The following SLX4 variants were observed in gnomAD, a reference collection of about 807,000 sequenced individuals.
The protein encoded by SLX4 is structure-specific endonuclease subunit SLX4.
In SLX4, 112 loss-of-function variants were observed where a neutral mutation model predicts 146.2. The observed-to-expected ratio is 0.77, with a 90% CI of 0.66 to 0.90. The LOEUF (loss-of-function observed/expected upper bound fraction) is 0.90. Among genes scored for constraint, SLX4 ranks in the 40% least tolerant of loss-of-function variants. SLX4 has a pLI of 0.00. For missense variants in SLX4, 2,563 were observed against 2,392.7 expected (o/e 1.07, Z -1.49); for synonymous variants, 1,061 against 997.7 (o/e 1.06, Z -1.20).
Position 3,589,010 on chromosome 16 carries a change from T to A in SLX4, c.4628A>T (p.Glu1543Val). The change falls in exon 12 of 15, where the codon GAG (glutamate) becomes GTG (valine). Residue 1543 changes from glutamate (E) to valine (V), a missense_variant. Physicochemically the swap from Glu to Val is moderately radical, Grantham distance 121. Coordinates refer to ENST00000294008, the MANE Select transcript of SLX4 (RefSeq NM_032444.4). The surrounding 1 kb of genome is among the most constrained non-coding windows in gnomAD (Gnocchi z 6.2). ...AGGAQKPEGLETPKGANRKKN... is the reference protein window; with the variant it reads ...AGGAQKPEGLVTPKGANRKKN... Reference sequence around the variant, plus strand: ...CTCTCCTGGCTACTCACTGGGTGTCTCTAACCCTTCGGGCTTCTGAGCTCC... The same window carrying A: ...CTCTCCTGGCTACTCACTGGGTGTCACTAACCCTTCGGGCTTCTGAGCTCC... The A allele has an allele frequency of 6.2e-7, 1 of 1,614,032 alleles. No individual in the cohort carries two copies.
chr16:3,601,238 T>C (rs762017755), intron 4 of SLX4, 47 bp from the exon 5 acceptor site: 3 of 1,599,458 alleles, frequency 1.9e-6, no homozygotes, highest in East Asian at 2.2e-5. Context: ...CCCAGGAATG[T>C]GGATTGGAGC....
intron 13 of SLX4, among the ~76,000 whole-genome samples, chr16:3,584,412 C>G (rs993287675): frequency 6.6e-6 from 1 of 152,050 alleles, no homozygotes; most frequent in Non-Finnish European, 1.5e-5. Flanking sequence ...CAGAGCAAGA[C>G]TCTGTCTTTC....
At position 3,597,680 on chromosome 16, in the gene SLX4, T is replaced by C. The variant is rs781465990; in HGVS notation, c.1382A>G (p.Lys461Arg). 1 of 1,613,900 alleles carries C rather than the reference T, an allele frequency of 6.2e-7. No homozygotes were observed. Among genetic ancestry groups the C allele is most frequent in the South Asian group, 1.1e-5 (1 of 91,070 alleles). The change falls in exon 7 of 15, where the codon AAG (lysine) becomes AGG (arginine). Residue 461 changes from lysine (K) to arginine (R), a missense_variant. Physicochemically the swap from Lys to Arg is conservative, Grantham distance 26 (BLOSUM62 2). Transcript: ENST00000294008. The surrounding 1 kb of genome is among the most constrained non-coding windows in gnomAD (Gnocchi z 4.4). ...IRPEAENKSR[K>R]KKPPVSPPLL... Reference sequence around the variant, plus strand: ...TGGGGGGGATACCGGGGGTTTCTTCTTGCGACTTTTATTCTCTAGAGAGAA... The same window carrying C: ...TGGGGGGGATACCGGGGGTTTCTTCCTGCGACTTTTATTCTCTAGAGAGAA...
chr16:3,600,953 G>C, intron 5 of SLX4, 26 bp downstream of exon 5: 1 of 1,611,104 alleles, frequency 6.2e-7, no homozygotes, highest in Non-Finnish European at 8.5e-7. Flanking sequence ...TATTTGGCTT[G>C]GTTTTCTTCC....
chr16:3,599,680 A>G (rs537101365), intron 5 of SLX4, among the ~76,000 whole-genome samples: 1 of 152,162 alleles, frequency 6.6e-6, no homozygotes, highest in African/African-American at 2.4e-5. Flanking sequence ...TTGGCCTCCC[A>G]GGCTCAAGTG....
Position 3,609,543 on chromosome 16 carries a change from T to TA in SLX4, c.-580dup. 6.5e-6 allele frequency: 1 copy of TA among 154,418 alleles called. No individual in the cohort carries two copies. The highest frequency in any genetic ancestry group is 2.0e-4 in the South Asian group (1 of 5,068). The allele number at this position is 154,418 out of a possible 1,614,324, so 9.6% of individuals were successfully genotyped here. ...CCAAGATCTCCATGATGATGAAACA[T>TA]ATATGGTTCACTTAATTACACATCT... On this transcript the variant is annotated 5_prime_UTR_variant, in exon 2 of 15. Transcript: ENST00000294008.
chr16:3,594,352 G>C (rs912239307), intron 10 of SLX4, 101 bp downstream of exon 10: 2 of 1,491,524 alleles, frequency 1.3e-6, no homozygotes, highest in Non-Finnish European at 1.8e-6. Context: ...GAGTGGGGGG[G>C]TGGAAAGGGC....
Position 3,608,564 on chromosome 16 carries a change from G to A in SLX4, c.401C>T (p.Ala134Val), listed in dbSNP as rs759574554. 5.1e-5 allele frequency: 83 copies of A among 1,614,070 alleles called. No individual in the cohort carries two copies. The highest frequency in any genetic ancestry group is 6.6e-5 in the Non-Finnish European group (78 of 1,180,040). ...ACCCCCCTCCCCATTCACAGAGTGG[G>A]CCGGTTCACTTGCTTGCCATTTGGT... is the stretch of plus-strand genomic sequence containing the variant. ...RVTKWQASEP[A>V]HSVNGEGGVL... Residue 134 changes from alanine to valine, a missense_variant, in exon 2 of 15, where the codon GCC becomes GTC. By Grantham distance (64) the Ala-to-Val change is moderately conservative. Coordinates refer to ENST00000294008, the MANE Select transcript of SLX4 (RefSeq NM_032444.4).
intron 10 of SLX4, 22 bp downstream of exon 10, chr16:3,594,431 A>ACACGGCAGCC (rs778701216): frequency 6.2e-7 from 1 of 1,606,082 alleles, no homozygotes; most frequent in South Asian, 1.1e-5. Flanking sequence ...AAAGGAGGGC[A>ACACGGCAGCC]CACGGCAGCC....
In SLX4 at chr16:3,591,076, A is replaced by C; in HGVS notation, c.2562T>G (p.Ile854Met). The change falls in exon 12 of 15, where the codon ATT (isoleucine) becomes ATG (methionine). Residue 854 changes from isoleucine to methionine, a missense_variant. Transcript: ENST00000294008. ...TTCGCTGAGTAGCTGCAAATTCATAAATTTCTTCCATTTCTGCTTCATTCA... is the reference window on the plus strand; with the variant it reads ...TTCGCTGAGTAGCTGCAAATTCATACATTTCTTCCATTTCTGCTTCATTCA... ...ENVNEAEMEE[I>M]YEFAATQRKL... 2 of 1,613,816 alleles carry C rather than the reference A, an allele frequency of 1.2e-6. No homozygotes were observed. Among genetic ancestry groups the C allele is most frequent in the Non-Finnish European group, 1.7e-6 (2 of 1,179,974 alleles).
chr16:3,584,808 G>A lies in SLX4; in HGVS notation c.4700C>T (p.Ser1567Phe), dbSNP rs755754734. 6.2e-6 allele frequency: 10 copies of A among 1,614,092 alleles called. No homozygotes were observed. In the Middle Eastern group the frequency reaches 4.9e-4, roughly 80 times the overall value. ...CTTCAGCACCGGCGTCTCCATAATG[G>A]AATACTGTGGCATCGGCGTTATGGG... ...KVPITPMPQY[S>F]IMETPVLKKE... Residue 1567 changes from serine to phenylalanine, a missense_variant, in exon 13 of 15, where the codon TCC becomes TTC. Coordinates refer to ENST00000294008, the MANE Select transcript of SLX4 (RefSeq NM_032444.4).
chr16:3,606,389 A>G (rs2040782420), intron 3 of SLX4, 85 bp downstream of exon 3: 7 of 1,467,698 alleles, frequency 4.8e-6, no homozygotes, highest in Non-Finnish European at 5.7e-6. Context: ...AAGAAACTCA[A>G]CAAATGCTGA....
intron 2 of SLX4, among the ~76,000 whole-genome samples, chr16:3,607,853 T>C (rs1046092499): frequency 1.3e-5 from 2 of 152,206 alleles, no homozygotes; most frequent in Admixed American, 1.3e-4. Context: ...CAGTCCAACT[T>C]ACCCACTTTG....
At position 3,590,792 on chromosome 16, in the gene SLX4, G is replaced by A. The variant is rs1382157359; in HGVS notation, c.2846C>T (p.Pro949Leu). 1 of 1,613,900 alleles carries A rather than the reference G, an allele frequency of 6.2e-7. No homozygotes were observed. Among genetic ancestry groups the A allele is most frequent in the Non-Finnish European group, 8.5e-7 (1 of 1,180,012 alleles). Residue 949 changes from proline to leucine, a missense_variant, in exon 12 of 15, where the codon CCA (proline) becomes CTA (leucine). Physicochemically the swap from Pro to Leu is moderately conservative, Grantham distance 98. Coordinates refer to ENST00000294008, the MANE Select transcript of SLX4 (RefSeq NM_032444.4). The surrounding 1 kb of genome is among the most constrained non-coding windows in gnomAD (Gnocchi z 4.8). ...RGAEAPEQEA[P>L]EEALGHSSCS... ...GCTGGAATGGCCAAGCGCCTCCTCT[G>A]GCGCCTCCTGCTCAGGGGCCTCTGC...
rs2040449660 is a variant in SLX4 at position 3,582,479 on chromosome 16, G to T, written c.5368C>A (p.Leu1790Ile). 1 of 1,614,028 alleles carries T rather than the reference G, an allele frequency of 6.2e-7. No individual in the cohort carries two copies. The highest frequency in any genetic ancestry group is 2.2e-5 in the East Asian group (1 of 44,888). Reference protein sequence around the residue: ...ELQAELRQNGLRVSSRRLLDF... With the variant: ...ELQAELRQNGIRVSSRRLLDF... ...AACAGCCTGCGCGAGGACACACGGA[G>T]GCCGTTCTGCCTCAGCTCTGCCTGC... Residue 1790 changes from leucine (L) to isoleucine (I), a missense_variant, in exon 15 of 15, where the codon CTC becomes ATC. Transcript: ENST00000294008.
rs749277750 is a variant in SLX4, at chr16:3,596,278, G to T, written c.1799C>A (p.Pro600Gln). Reference sequence around the variant, plus strand: ...CTCCCTCTGGCTGGCCGAAGGCGACGGGCCCCTGGAGCCACAGCCTGCAGT... The same window carrying T: ...CTCCCTCTGGCTGGCCGAAGGCGACTGGCCCCTGGAGCCACAGCCTGCAGT... The part of the protein sequence containing the change: ...TPTAGCGSRG[P>Q]SPSASQREHQ... Residue 600 changes from proline to glutamine, a missense_variant, in exon 8 of 15, where the codon CCG (proline) becomes CAG (glutamine). By Grantham distance (76) the Pro-to-Gln change is moderately conservative (BLOSUM62 -1). Transcript: ENST00000294008. 19 of 1,567,122 alleles carry T rather than the reference G, an allele frequency of 1.2e-5. No homozygotes were observed. Among genetic ancestry groups the T allele is most frequent in the Non-Finnish European group, 1.6e-5 (19 of 1,157,104 alleles).
chr16:3,589,310 A>G lies in SLX4; in HGVS notation c.4328T>C (p.Leu1443Pro). The G allele has an allele frequency of 6.3e-7, 1 of 1,581,200 alleles. No homozygotes were observed. Among genetic ancestry groups the G allele is most frequent in the Non-Finnish European group, 8.6e-7 (1 of 1,162,684 alleles). Residue 1443 changes from leucine (L) to proline (P), a missense_variant, in exon 12 of 15, where the codon CTG becomes CCG. Leu to Pro is a moderately conservative substitution (Grantham distance 98, BLOSUM62 -3). Transcript: ENST00000294008. The surrounding 1 kb of genome is among the most constrained non-coding windows in gnomAD (Gnocchi z 6.2). ...GGTGCTCAGGGGGCCGGTCCGCTCC[A>G]GGTTCCAGTGGTCAATGGGAATTGG... ...LSPIPIDHWN[L>P]ERTGPLSTSS...
chr16:3,595,079 T>C (rs1273893087), intron 9 of SLX4, among the ~76,000 whole-genome samples: 2 of 152,104 alleles, frequency 1.3e-5, no homozygotes, highest in Non-Finnish European at 2.9e-5. Context: ...GACACTGACA[T>C]GCAAATGGGA....
Position 3,590,237 on chromosome 16 carries a change from G to C in SLX4, c.3401C>G (p.Ser1134Trp), listed in dbSNP as rs1433489753. The change falls in exon 12 of 15, where the codon TCG (serine) becomes TGG (tryptophan). Residue 1134 changes from serine to tryptophan, a missense_variant. Transcript: ENST00000294008. This position sits in a 1 kb window ranked among gnomAD's most constrained non-coding sequence, Gnocchi z 4.8. ...IDLTQSNPDH[S>W]SSRSQKSSSK... ...TGAAGATTTCTGAGATCTGGAGCTCGAATGGTCAGGATTTGACTGGGTTAG... is the reference window on the plus strand; with the variant it reads ...TGAAGATTTCTGAGATCTGGAGCTCCAATGGTCAGGATTTGACTGGGTTAG... 1 of 1,614,192 alleles carries C rather than the reference G, an allele frequency of 6.2e-7. No individual in the cohort carries two copies. Among genetic ancestry groups the C allele is most frequent in the Non-Finnish European group, 8.5e-7 (1 of 1,180,038 alleles).
Sources: allele counts gnomAD v4.1 joint callset (sites outside exome capture counted in the v4.1 genomes callset), GRCh38; gene constraint gnomAD v4.1.1; non-coding constraint Gnocchi (gnomAD v3.1); transcripts MANE v1.5; gene names NCBI Gene and HGNC (gene_info 2026-07-23, HGNC 2026-07-21).